Variants in KCNN2 observed in about 807,000 individuals in gnomAD.
KCNN2 encodes the protein potassium calcium-activated channel subfamily N member 2.
A neutral mutation model predicts 55.5 loss-of-function variants in KCNN2; 24 were observed. That is an observed-to-expected ratio of 0.43 (90% CI 0.31 to 0.61). The LOEUF (loss-of-function observed/expected upper bound fraction) is 0.61, where lower values mean the gene tolerates loss of function less well. Among genes scored for constraint, KCNN2 ranks in the 20% least tolerant of loss-of-function variants. KCNN2 has a pLI of 0.08. For synonymous variants in KCNN2, 431 were observed against 336.1 expected (o/e 1.28, Z -3.09); for missense variants, 754 against 853.6 (o/e 0.88, Z 1.45).
At chr5:114,146,011 CA>C (rs765705975) in intron 1 of KCNN2, among the ~76,000 whole-genome samples, 7 of 152,054 alleles carry the variant, frequency 4.6e-5, no homozygotes, top group Non-Finnish European at 1.0e-4. Flanking sequence ...CTTCAGGACA[CA>C]ATTTCAGGTG....
intron 1 of KCNN2, among the ~76,000 whole-genome samples, chr5:114,194,432 C>G (rs996778542): frequency 6.6e-6 from 1 of 152,000 alleles, no homozygotes; most frequent in African/African-American, 2.4e-5. Context: ...TTTTGATTTG[C>G]ATTTCTCTGA....
chr5:114,488,448 A>G (rs1283522859), intron 6 of KCNN2, among the ~76,000 whole-genome samples: 2 of 152,028 alleles, frequency 1.3e-5, no homozygotes, highest in Admixed American at 6.6e-5. Flanking sequence ...TTCAAATAAT[A>G]CTCTTAAAAT....
chr5:114,438,395 G>T (rs1760086087), intron 3 of KCNN2, among the ~76,000 whole-genome samples: 1 of 152,174 alleles, frequency 6.6e-6, no homozygotes, highest in Non-Finnish European at 1.5e-5. Flanking sequence ...ATAGGGGAAA[G>T]TGTGGAATTC....
chr5:114,286,054 G>A (rs1755742536), intron 2 of KCNN2, among the ~76,000 whole-genome samples: 1 of 151,908 alleles, frequency 6.6e-6, no homozygotes, highest in Non-Finnish European at 1.5e-5. Context: ...TGAGTAGCTG[G>A]GATTACAGGC....
intron 5 of KCNN2, among the ~76,000 whole-genome samples, chr5:114,479,460 G>T (rs1295631097): frequency 6.6e-6 from 1 of 152,072 alleles, no homozygotes; most frequent in African/African-American, 2.4e-5. Flanking sequence ...CACAATAATA[G>T]GAGACTTTAA....
intron 2 of KCNN2, among the ~76,000 whole-genome samples, chr5:114,318,487 G>C (rs528383652): frequency 6.6e-6 from 1 of 151,830 alleles, no homozygotes; most frequent in East Asian, 1.9e-4. Context: ...TGAAACTTCT[G>C]ATAATGTATG....
At chr5:114,107,262 T>C (rs1449088916) in intron 1 of KCNN2, among the ~76,000 whole-genome samples, 1 of 151,716 alleles carries the variant, frequency 6.6e-6, no homozygotes, top group East Asian at 1.9e-4. Flanking sequence ...TTGTCTATTT[T>C]TGAGCCAGTA....
intron 2 of KCNN2, among the ~76,000 whole-genome samples, chr5:114,231,214 T>A: frequency 1.9e-5 from 1 of 52,132 alleles, no homozygotes; most frequent in East Asian, 4.3e-4. Context: ...GTTGCGAAAA[T>A]TTTCTCCCAT....
intron 5 of KCNN2, among the ~76,000 whole-genome samples, chr5:114,479,790 A>T (rs1249345409): frequency 6.6e-6 from 1 of 152,222 alleles, no homozygotes; most frequent in African/African-American, 2.4e-5. Context: ...TCTTGGGTAG[A>T]TAATGAAATT....
At chr5:114,488,247 C>T (rs1373360363) in intron 6 of KCNN2, among the ~76,000 whole-genome samples, 1 of 152,106 alleles carries the variant, frequency 6.6e-6, no homozygotes, top group Admixed American at 6.6e-5. Flanking sequence ...ACTCAAGTAT[C>T]CTGAGATTTA....
intron 1 of KCNN2, among the ~76,000 whole-genome samples, chr5:114,197,684 G>C (rs556074462): frequency 6.6e-6 from 1 of 152,236 alleles, no homozygotes; most frequent in South Asian, 2.1e-4. Context: ...CTGGGAGGCA[G>C]AATAGGGGTG....
intron 1 of KCNN2, among the ~76,000 whole-genome samples, chr5:114,060,978 C>A (rs577667135): frequency 6.6e-6 from 1 of 152,320 alleles, no homozygotes; most frequent in South Asian, 2.1e-4. Flanking sequence ...GGGAACTATT[C>A]CTGGGCACTT....
chr5:114,481,647 T>C (rs1023852713), intron 5 of KCNN2, among the ~76,000 whole-genome samples: 9 of 152,074 alleles, frequency 5.9e-5, no homozygotes, highest in African/African-American at 2.2e-4. Flanking sequence ...TCAAACTATA[T>C]TATAGGGCTA....
intron 1 of KCNN2, among the ~76,000 whole-genome samples, chr5:114,129,738 C>T (rs888242247): frequency 6.6e-6 from 1 of 152,216 alleles, no homozygotes; most frequent in Non-Finnish European, 1.5e-5. Flanking sequence ...CAATTTCCTC[C>T]TTGTCAGGGT....
chr5:114,399,445 A>G (rs1758717421), intron 2 of KCNN2, among the ~76,000 whole-genome samples: 1 of 152,176 alleles, frequency 6.6e-6, no homozygotes, highest in Admixed American at 6.5e-5. Flanking sequence ...CCAGAGATAA[A>G]GCGTATTTGA....
chr5:114,484,650 G>A (rs1561413851), intron 5 of KCNN2, among the ~76,000 whole-genome samples: 1 of 152,080 alleles, frequency 6.6e-6, no homozygotes, highest in East Asian at 1.9e-4. Context: ...CCTACTATTA[G>A]AAACACATCT....
At position 114,126,611 on chromosome 5, in the gene KCNN2, C is replaced by A. The variant is rs190673582; in HGVS notation, c.-271+70111C>A. Among the ~76,000 whole-genome samples the A allele has an allele frequency of 5.4e-4, 82 of 152,212 alleles. 1 individual carries two copies. The highest frequency in any genetic ancestry group is 1.8e-3 in the African/African-American group (75 of 41,506). ...AGATGAATTATGGGTGGGGACACAG[C>A]CAAACCATATCATTCTACCTCTGGC... On this transcript the variant is annotated intron_variant, in intron 1 of 10. Coordinates refer to the KCNN2 transcript ENST00000512097.
At chr5:114,454,452 T>C (rs1008250997) in intron 3 of KCNN2, among the ~76,000 whole-genome samples, 1 of 152,198 alleles carries the variant, frequency 6.6e-6, no homozygotes, top group Non-Finnish European at 1.5e-5. Flanking sequence ...GGGTGATAGT[T>C]GAGTTTTTCA....
In KCNN2 at chr5:114,404,843, C is replaced by A. The variant is rs1310433177; in HGVS notation, c.1624C>A (p.Arg542=). Residue 542 remains arginine (R), a synonymous_variant, in exon 3 of 8, where the codon CGA becomes AGA. Coordinates refer to ENST00000673685, the MANE Select transcript of KCNN2 (RefSeq NM_021614.4). The part of the protein sequence containing the change: ...SLWIIAAWTV[R]ACERYHDQQD... The stretch of plus-strand genomic sequence containing the variant: ...ATGGATAATTGCCGCATGGACTGTC[C>A]GAGCTTGTGAAAGGTAAGTTTGTTT... 1.9e-6 allele frequency: 3 copies of A among 1,604,736 alleles called. No homozygotes were observed. The highest frequency in any genetic ancestry group is 2.7e-5 in the African/African-American group (2 of 74,508).
Sources: gnomAD v4.1 joint callset for allele counts (sites outside exome capture counted in the v4.1 genomes callset) on GRCh38, gnomAD v4.1.1 for gene constraint, MANE v1.5 for transcripts, NCBI Gene and HGNC (gene_info 2026-07-23, HGNC 2026-07-21) for gene names.